MRC1: variants seen among roughly 807,000 people sequenced by gnomAD.
MRC1 encodes macrophage mannose receptor 1.
A neutral mutation model predicts 102.9 loss-of-function variants in MRC1; 62 were observed. The ratio of observed to expected loss-of-function variants is 0.60; its 90% CI spans 0.49 to 0.74. MRC1 has a LOEUF of 0.74. Ranked by LOEUF, MRC1 falls within the 30% of genes least tolerant of loss-of-function variation. The probability of loss-of-function intolerance (pLI) is 0.00; values close to 1 mark genes in which losing one functional copy is unlikely to be tolerated. For missense variants in MRC1, 1,237 were observed against 862.8 expected (o/e 1.43, Z -5.43); for synonymous variants, 457 against 298.4 (o/e 1.53, Z -5.48).
At chr10:17,832,657 G>C (rs1376261172) in intron 3 of MRC1, among the ~76,000 whole-genome samples, 2 of 146,086 alleles carry the variant, frequency 1.4e-5, no homozygotes, top group Non-Finnish European at 3.0e-5. Flanking sequence ...ACGCGATCTC[G>C]GCTCACTGCA....
At chr10:17,908,561 TA>T (rs1184367838) in intron 28 of MRC1, among the ~76,000 whole-genome samples, 1 of 151,980 alleles carries the variant, frequency 6.6e-6, no homozygotes, top group Non-Finnish European at 1.5e-5. Context: ...GGAGTTGTTT[TA>T]TTTTTTTTGT....
chr10:17,822,237 T>A (rs976647364), intron 1 of MRC1, among the ~76,000 whole-genome samples: 1 of 152,222 alleles, frequency 6.6e-6, no homozygotes, highest in African/African-American at 2.4e-5. Flanking sequence ...TCCAATGATA[T>A]AAAACTTACA....
chr10:17,833,910 C>G, intron 4 of MRC1, 71 bp downstream of exon 4: 1 of 764,406 alleles, frequency 1.3e-6, no homozygotes, highest in Non-Finnish European at 2.4e-6. Flanking sequence ...TAGAAGTCAA[C>G]AGCACAAGTG....
At chr10:17,855,620 C>T (rs1045019735) in intron 8 of MRC1, among the ~76,000 whole-genome samples, 1,485 of 147,810 alleles carry the variant, frequency 0.01, 20 homozygotes, top group African/African-American at 0.034. Flanking sequence ...AAACCTCTTG[C>T]GAGCACCGTC....
At chr10:17,886,819 T>C (rs1447597337) in intron 22 of MRC1, among the ~76,000 whole-genome samples, 1 of 152,160 alleles carries the variant, frequency 6.6e-6, no homozygotes, top group Non-Finnish European at 1.5e-5. Context: ...ACATGATGTG[T>C]TTGGGCAAAT....
intron 7 of MRC1, among the ~76,000 whole-genome samples, chr10:17,851,714 C>T (rs1185563384): frequency 2.0e-5 from 3 of 152,172 alleles, no homozygotes; most frequent in South Asian, 2.1e-4. Context: ...CACTTTGAAG[C>T]CTGCATTTGT....
intron 6 of MRC1, among the ~76,000 whole-genome samples, chr10:17,847,537 A>T (rs1838843713): frequency 2.0e-5 from 3 of 152,242 alleles, no homozygotes; most frequent in Admixed American, 1.3e-4. Flanking sequence ...AGTTCAAATT[A>T]TGCAGCATAC....
Position 17,840,838 on chromosome 10 carries a change from C to T in MRC1, c.916+32C>T, listed in dbSNP as rs909362138. The T allele has an allele frequency of 2.9e-4, 226 of 780,692 alleles. 1 individual carries two copies. In the African/African-American group the frequency reaches 3.4e-3, roughly 12 times the overall value. 48.4% of individuals were successfully genotyped at this position (780,692 alleles called of 1,614,324 possible). On this transcript the variant is annotated intron_variant, in intron 5 of 29. Transcript: ENST00000569591. ...TTAAGCCTGTTTGTGTCGAATTAAT[C>T]CAAATTTAAGTCATCTAGACGCCCC...
chr10:17,858,390 C>T lies in MRC1; in HGVS notation c.1518+2038C>T, dbSNP rs903301615. ...CCTTGTCTTTGGCATTCTGCAGTGC[C>T]TGGGTGAATGCCGAGTACCTAGTGG... On this transcript the variant is annotated intron_variant, in intron 9 of 29. Coordinates refer to ENST00000569591, the MANE Select transcript of MRC1 (RefSeq NM_002438.4). 7.2e-4 allele frequency among the ~76,000 whole-genome samples: 109 copies of T among 152,232 alleles called. No homozygotes were observed. In the East Asian group the frequency reaches 0.019, roughly 26 times the overall value.
chr10:17,832,651 G>C lies in MRC1; in HGVS notation c.638-1024G>C, dbSNP rs1017593530. Among the ~76,000 whole-genome samples, 61 of 149,088 alleles carry C rather than the reference G, an allele frequency of 4.1e-4. 2 individuals carry two copies. The highest frequency in any genetic ancestry group is 1.3e-3 in the African/African-American group (51 of 39,796). On this transcript the variant is annotated intron_variant, in intron 3 of 29. Coordinates refer to ENST00000569591, the MANE Select transcript of MRC1 (RefSeq NM_002438.4). ...CGCCCAGGCTGGAGTGCAGTGACGCGATCTCGGCTCACTGCAAGCTCCGCC... is the reference window on the plus strand; with the variant it reads ...CGCCCAGGCTGGAGTGCAGTGACGCCATCTCGGCTCACTGCAAGCTCCGCC...
rs963004835 is a variant in MRC1 at position 17,872,613 on chromosome 10, A to G, written c.2344+487A>G. Among the ~76,000 whole-genome samples, 227 of 152,224 alleles carry G rather than the reference A, an allele frequency of 1.5e-3. 1 individual carries two copies. The highest frequency in any genetic ancestry group is 5.2e-3 in the African/African-American group (216 of 41,542). On this transcript the variant is annotated intron_variant, in intron 15 of 29. Coordinates refer to ENST00000569591, the MANE Select transcript of MRC1 (RefSeq NM_002438.4). ...GGCCTCTGATGCTATTAGCCCCACC[A>G]TGTTATTGATGGCCAAACAATACGC...
intron 10 of MRC1, 134 bp from the exon 11 acceptor site, chr10:17,863,400 T>G: frequency 1.4e-6 from 1 of 694,192 alleles, no homozygotes; most frequent in Admixed American, 2.1e-5. Context: ...CATACAAATA[T>G]AACACAATAT....
intron 1 of MRC1, among the ~76,000 whole-genome samples, chr10:17,820,360 TA>T (rs1838376621): frequency 6.6e-6 from 1 of 151,838 alleles, no homozygotes; most frequent in Non-Finnish European, 1.5e-5. Context: ...TGCCAAGAAT[TA>T]GAAAGAGAAG....
At chr10:17,883,776 T>G (rs1833551445) in intron 21 of MRC1, among the ~76,000 whole-genome samples, 1 of 152,170 alleles carries the variant, frequency 6.6e-6, no homozygotes, top group African/African-American at 2.4e-5. Flanking sequence ...AGTTAATGAC[T>G]CAGGTGGTGG....
At position 17,894,279 on chromosome 10, in the gene MRC1, A is replaced by G. The variant is rs976670993; in HGVS notation, c.3217A>G (p.Ser1073Gly). 1.1e-6 allele frequency: 1 copy of G among 872,742 alleles called. No homozygotes were observed. The highest frequency in any genetic ancestry group is 2.0e-6 in the Non-Finnish European group (1 of 501,516). The allele number at this position is 872,742 out of a possible 1,614,324, so 54.1% of individuals were successfully genotyped here. ...AGKWMDDTCD[S>G]KRGYICQTRS... The stretch of plus-strand genomic sequence containing the variant: ...AAAATGGATGGATGATACCTGCGAC[A>G]GTAAACGAGGCTACATATGCCAGAC... Residue 1073 changes from serine to glycine, a missense_variant, in exon 23 of 30, where the codon AGT (serine) becomes GGT (glycine). Transcript: ENST00000569591.
chr10:17,887,086 A>ATAT lies in MRC1; in HGVS notation c.3147+1651_3147+1652insTAT, dbSNP rs1316354403. Among the ~76,000 whole-genome samples, 19 of 152,304 alleles carry ATAT rather than the reference A, an allele frequency of 1.2e-4. No homozygotes were observed. The South Asian group carries it at 3.9e-3, about 32-fold the overall frequency. On this transcript the variant is annotated intron_variant, in intron 22 of 29. Coordinates refer to ENST00000569591, the MANE Select transcript of MRC1 (RefSeq NM_002438.4). Reference sequence around the variant, plus strand: ...GTGATGGAGCCAGACAGCAGCCCATAGGGTTGCTGTGTCTGTGAAGTAGCC... The same window carrying ATAT: ...GTGATGGAGCCAGACAGCAGCCCATATATGGGTTGCTGTGTCTGTGAAGTAGCC...
chr10:17,879,943 G>A (rs1564622656), intron 19 of MRC1, 122 bp downstream of exon 19: 3 of 757,440 alleles, frequency 4.0e-6, no homozygotes, highest in Admixed American at 1.8e-5. Context: ...GAATAAAGGA[G>A]AATTCTAATT....
intron 5 of MRC1, among the ~76,000 whole-genome samples, chr10:17,842,424 C>T (rs1838765840): frequency 6.6e-6 from 1 of 152,188 alleles, no homozygotes; most frequent in African/African-American, 2.4e-5. Context: ...CAAAGCGTTA[C>T]TTCAACATAT....
intron 5 of MRC1, among the ~76,000 whole-genome samples, chr10:17,842,630 G>A (rs1187476241): frequency 6.6e-6 from 1 of 152,132 alleles, no homozygotes; most frequent in Non-Finnish European, 1.5e-5. Context: ...ATACTAGTTG[G>A]CCTCAATCAG....
Sources: gnomAD v4.1 joint callset for allele counts (sites outside exome capture counted in the v4.1 genomes callset) on GRCh38, gnomAD v4.1.1 for gene constraint, MANE v1.5 for transcripts, NCBI Gene and HGNC (gene_info 2026-07-23, HGNC 2026-07-21) for gene names.